The following VASH1 variants were observed in gnomAD, a reference collection of about 807,000 sequenced individuals.
VASH1 encodes the protein tubulinyl-Tyr carboxypeptidase 1.
Under a neutral mutation model 35.0 loss-of-function variants are expected in VASH1, and 16 were observed. That is an observed-to-expected ratio of 0.46 (90% confidence interval 0.31 to 0.70). The LOEUF (loss-of-function observed/expected upper bound fraction) is 0.70, where lower values mean the gene tolerates loss of function less well. VASH1 is among the 30% of genes least tolerant of loss of function. The probability of loss-of-function intolerance (pLI) is 0.05; values close to 1 mark genes in which losing one functional copy is unlikely to be tolerated. For missense variants in VASH1, 505 were observed against 510.7 expected (o/e 0.99, Z 0.11); for synonymous variants, 214 against 200.9 (o/e 1.07, Z -0.55).
intron 1 of VASH1, 112 bp downstream of exon 1, chr14:76,763,242 A>C: frequency 8.8e-7 from 1 of 1,138,590 alleles, no homozygotes; most frequent in Non-Finnish European, 1.1e-6. Flanking sequence ...TGGCTCGGTA[A>C]GATCTTTAAA....
intron 1 of VASH1, among the ~76,000 whole-genome samples, chr14:76,766,448 G>A (rs75490165): frequency 0.02 from 3,012 of 152,218 alleles, 92 homozygotes; most frequent in East Asian, 0.15. Flanking sequence ...GCTTTCCTTT[G>A]ATTTATTTAT....
rs1394940656 is a variant in VASH1, at chr14:76,775,922, G to A, written c.561G>A (p.Glu187=). 6.3e-7 allele frequency: 1 copy of A among 1,599,092 alleles called. No individual in the cohort carries two copies. The highest frequency in any genetic ancestry group is 2.3e-5 in the East Asian group (1 of 44,272). ...IYLTNSMPTL[E]RFPISFKTYF... is the part of the protein sequence containing the mutation. ...TCACCAACAGCATGCCCACCCTGGAGCGCTTCCCCATCAGCTTCAAGACCT... is the reference window on the plus strand; with the variant it reads ...TCACCAACAGCATGCCCACCCTGGAACGCTTCCCCATCAGCTTCAAGACCT... Residue 187 remains glutamate (E), a synonymous_variant, in exon 5 of 7, where the codon GAG becomes GAA. Transcript: ENST00000167106.
intron 6 of VASH1, 50 bp from the exon 7 acceptor site, chr14:76,778,896 C>T (rs767697136): frequency 6.3e-7 from 1 of 1,587,788 alleles, no homozygotes; most frequent in Non-Finnish European, 8.6e-7. Context: ...AACTCCATCT[C>T]CCTAACAGAC....
chr14:76,770,795 G>A (rs900556593), intron 2 of VASH1, among the ~76,000 whole-genome samples: 2 of 152,170 alleles, frequency 1.3e-5, no homozygotes, highest in African/African-American at 2.4e-5. Context: ...TGGGGAAACT[G>A]GTCCAGTGAG....
intron 4 of VASH1, chr14:76,774,422 A>G (rs1893876476): frequency 6.6e-6 from 1 of 152,120 alleles, no homozygotes; most frequent in Admixed American, 6.5e-5. Flanking sequence ...CTTCTCCCTC[A>G]GGGGTCACAC....
At chr14:76,769,422 C>T in intron 1 of VASH1, 2 of 1,289,170 alleles carry the variant, frequency 1.6e-6, no homozygotes, top group Non-Finnish European at 2.0e-6. Flanking sequence ...GACTCCTTGA[C>T]AGTTCAAGTT....
intron 1 of VASH1, among the ~76,000 whole-genome samples, chr14:76,763,690 C>T (rs970814401): frequency 2.0e-5 from 3 of 151,906 alleles, no homozygotes; most frequent in Non-Finnish European, 4.4e-5. Flanking sequence ...AGGAGAAGGG[C>T]GGGGGGTGGT....
At chr14:76,772,770 C>T (rs1046451868) in intron 3 of VASH1, among the ~76,000 whole-genome samples, 1 of 152,238 alleles carries the variant, frequency 6.6e-6, no homozygotes, top group Non-Finnish European at 1.5e-5. Context: ...GACGTCCCTC[C>T]TCCCCCGACT....
chr14:76,776,424 T>G (rs1893946684), intron 5 of VASH1, 151 bp downstream of exon 5: 1 of 1,135,258 alleles, frequency 8.8e-7, no homozygotes, highest in African/African-American at 1.6e-5. Context: ...GGTGGTCCCC[T>G]GGGGTGGGCA....
chr14:76,779,506 C>T lies in VASH1; in HGVS notation c.*488C>T, dbSNP rs1894043865. ...CCAGTTCTGCCTGCCCTGGCAGAAT[C>T]TTGACCCAGGGAAAGGGAAGCAGGG... On this transcript the variant is annotated 3_prime_UTR_variant, in exon 7 of 7. Transcript: ENST00000167106. 1 of 701,742 alleles carries T rather than the reference C, an allele frequency of 1.4e-6. No individual in the cohort carries two copies. Among genetic ancestry groups the T allele is most frequent in the African/African-American group, 1.7e-5 (1 of 57,216 alleles). 43.5% of individuals were successfully genotyped at this position (701,742 alleles called of 1,614,324 possible).
In VASH1 at chr14:76,763,010, C is replaced by T. The variant is rs748367098; in HGVS notation, c.189C>T (p.Asn63=). ...ACGGAGGCGTCCCCTTCTTTGTCAA[C>T]CGGGGTGGGCTACCTGTGGATGAGG... ...LRDGGVPFFV[N]RGGLPVDEAT... Residue 63 remains asparagine (N), a synonymous_variant, in exon 1 of 7, where the codon AAC becomes AAT. Transcript: ENST00000167106. 2 of 1,548,810 alleles carry T rather than the reference C, an allele frequency of 1.3e-6. No homozygotes were observed. The highest frequency in any genetic ancestry group is 2.4e-5 in the East Asian group (1 of 40,948).
At chr14:76,766,073 TTAA>T (rs1484731310) in intron 1 of VASH1, among the ~76,000 whole-genome samples, 16 of 152,308 alleles carry the variant, frequency 1.1e-4, no homozygotes, top group Admixed American at 9.2e-4. Flanking sequence ...GTTAGAGGAA[TTAA>T]TGATGCAAAG....
rs1382975382 is a variant in VASH1 at position 76,780,813 on chromosome 14, G to A, written c.*1795G>A. 6.6e-6 allele frequency: 1 copy of A among 152,228 alleles called. No homozygotes were observed. The highest frequency in any genetic ancestry group is 2.4e-5 in the African/African-American group (1 of 41,448). 9.4% of individuals were successfully genotyped at this position (152,228 alleles called of 1,614,324 possible). On this transcript the variant is annotated 3_prime_UTR_variant, in exon 7 of 7. Coordinates refer to ENST00000167106, the MANE Select transcript of VASH1 (RefSeq NM_014909.5). The stretch of plus-strand genomic sequence containing the variant: ...CAGTTTGCAATCCCTGAAGTAGAGA[G>A]AGCTCGTGCTGGGGAGAAGTCCACC...
At chr14:76,775,421 G>A (rs1792416614) in intron 4 of VASH1, among the ~76,000 whole-genome samples, 1 of 152,132 alleles carries the variant, frequency 6.6e-6, no homozygotes, top group South Asian at 2.1e-4. Context: ...ACACGTGATT[G>A]TATTTGAAGG....
rs1173266268 is a variant in VASH1, at chr14:76,779,658, G to A, written c.*640G>A. The A allele has an allele frequency of 6.6e-6, 4 of 605,458 alleles. No individual in the cohort carries two copies. Among genetic ancestry groups the A allele is most frequent in the Non-Finnish European group, 8.8e-6 (3 of 339,716 alleles). The allele number at this position is 605,458 out of a possible 1,614,324, so 37.5% of individuals were successfully genotyped here. On this transcript the variant is annotated 3_prime_UTR_variant, in exon 7 of 7. Transcript: ENST00000167106. Reference sequence around the variant, plus strand: ...CAGGCCCTTGAGGCCCCCATGGGCAGTGCTGTGTGGGCAGAGGAGGGGTGA... The same window carrying A: ...CAGGCCCTTGAGGCCCCCATGGGCAATGCTGTGTGGGCAGAGGAGGGGTGA...
Position 76,773,198 on chromosome 14 carries a change from G to A in VASH1, c.517G>A (p.Val173Met), listed in dbSNP as rs534711628. The A allele has an allele frequency of 1.2e-5, 19 of 1,614,154 alleles. No homozygotes were observed. Among genetic ancestry groups the A allele is most frequent in the East Asian group, 1.1e-4 (5 of 44,872 alleles). Residue 173 changes from valine (V) to methionine (M), a missense_variant, in exon 4 of 7, where the codon GTG becomes ATG. Val to Met is a conservative substitution (Grantham distance 21). Transcript: ENST00000167106. ...CCTGCCAATCAAATGCCTGGAAGCC[G>A]TGATCCTGGGAATGTATCCTTCCTC... ...EALPIKCLEAVILGIYLTNSM... is the reference protein window; with the variant it reads ...EALPIKCLEAMILGIYLTNSM...
At chr14:76,777,869 C>A in intron 5 of VASH1, 90 bp from the exon 6 acceptor site, 1 of 989,802 alleles carries the variant, frequency 1.0e-6, no homozygotes, top group Non-Finnish European at 1.4e-6. Context: ...TTCCCCAGGG[C>A]AGCCTCCAGG....
chr14:76,772,244 GAAAAGAAAAAGA>G (rs561575814), intron 3 of VASH1, among the ~76,000 whole-genome samples: 2 of 151,920 alleles, frequency 1.3e-5, no homozygotes, highest in South Asian at 2.1e-4. Context: ...TGTCTCAAAA[GAAAAGAAAAAGA>G]AAAAGAAAAA....
chr14:76,778,024 G>A lies in VASH1; in HGVS notation c.978G>A (p.Gln326=), dbSNP rs771675797. The A allele has an allele frequency of 1.3e-6, 2 of 1,542,572 alleles. No individual in the cohort carries two copies. The highest frequency in any genetic ancestry group is 2.0e-5 in the Admixed American group (1 of 50,308). The stretch of plus-strand genomic sequence containing the variant: ...GGAAGAAGGATGTTTCTTCCCCGCA[G>A]CGGGCCCAGTCCAGCCCCCACCGCA... The part of the protein sequence containing the change: ...KDRKKDVSSP[Q]RAQSSPHRRN... The change falls in exon 6 of 7, where the codon CAG becomes CAA. Residue 326 remains glutamine, a synonymous_variant. Transcript: ENST00000167106.
Sources: gnomAD v4.1 joint callset for allele counts (sites outside exome capture counted in the v4.1 genomes callset) on GRCh38, gnomAD v4.1.1 for gene constraint, MANE v1.5 for transcripts, NCBI Gene and HGNC (gene_info 2026-07-23, HGNC 2026-07-21) for gene names.